Variants in CCDC91 observed in about 807,000 individuals in gnomAD.
CCDC91 encodes the protein coiled-coil domain containing 91.
In CCDC91, 48 loss-of-function variants were observed where a neutral mutation model predicts 63.2. That is an observed-to-expected ratio of 0.76 (90% CI 0.60 to 0.97). The LOEUF (loss-of-function observed/expected upper bound fraction) is 0.97. Among genes scored for constraint, CCDC91 ranks in the 50% least tolerant of loss-of-function variants. CCDC91 has a pLI of 0.00. For missense variants in CCDC91, 500 were observed against 494.6 expected, an observed-to-expected ratio of 1.01 and a Z score of -0.10; for synonymous variants, 167 against 165.8, an observed-to-expected ratio of 1.01 and a Z score of -0.06.
intron 6 of CCDC91, among the ~76,000 whole-genome samples, chr12:28,328,979 A>G (rs1941261547): frequency 6.6e-6 from 1 of 152,160 alleles, no homozygotes. Context: ...ATGAGAACCA[A>G]TGGTGTTTGG....
intron 6 of CCDC91, among the ~76,000 whole-genome samples, chr12:28,338,556 G>T (rs1369405677): frequency 6.6e-6 from 1 of 152,064 alleles, no homozygotes; most frequent in Admixed American, 6.6e-5. Context: ...AGAGATACCA[G>T]GGGGCCACCC....
At chr12:28,201,015 C>T (rs1591956493) in intron 1 of CCDC91, among the ~76,000 whole-genome samples, 1 of 143,138 alleles carries the variant, frequency 7.0e-6, no homozygotes, top group Non-Finnish European at 1.5e-5. Context: ...ACCCCCCCAC[C>T]TCCCTCCCGG....
intron 1 of CCDC91, among the ~76,000 whole-genome samples, chr12:28,237,267 T>TC (rs1410784569): frequency 9.7e-6 from 1 of 103,610 alleles, no homozygotes. Flanking sequence ...CACACACACA[T>TC]TTTTTAAAAA....
intron 3 of CCDC91, among the ~76,000 whole-genome samples, chr12:28,296,202 TTATATTA>T (rs1158616571): frequency 6.6e-6 from 1 of 151,736 alleles, no homozygotes; most frequent in Non-Finnish European, 1.5e-5. Context: ...ATATTTATGT[TTATATTA>T]TATAATTTTA....
intron 7 of CCDC91, among the ~76,000 whole-genome samples, chr12:28,378,712 T>C (rs1399587597): frequency 6.6e-6 from 1 of 152,084 alleles, no homozygotes; most frequent in Non-Finnish European, 1.5e-5. Context: ...GCTTTTATCA[T>C]ATGATCAGAT....
At chr12:28,283,267 A>AGGAATTG (rs1325956028) in intron 3 of CCDC91, among the ~76,000 whole-genome samples, 1 of 148,130 alleles carries the variant, frequency 6.8e-6, no homozygotes, top group Non-Finnish European at 1.5e-5. Flanking sequence ...GTATTTTGAT[A>AGGAATTG]GGAATTGCAT....
At chr12:28,469,684 A>G (rs1798661720) in intron 11 of CCDC91, among the ~76,000 whole-genome samples, 1 of 152,162 alleles carries the variant, frequency 6.6e-6, no homozygotes, top group Admixed American at 6.5e-5. Context: ...CTGATTTCAA[A>G]TTGTATTCCA....
intron 12 of CCDC91, among the ~76,000 whole-genome samples, chr12:28,531,334 C>T (rs897097725): frequency 6.6e-5 from 10 of 152,004 alleles, no homozygotes; most frequent in Non-Finnish European, 1.2e-4. Context: ...AATTAAGACT[C>T]GACAAATTAT....
intron 12 of CCDC91, among the ~76,000 whole-genome samples, chr12:28,509,605 AT>A (rs993068506): frequency 1.3e-5 from 2 of 152,072 alleles, no homozygotes; most frequent in African/African-American, 4.8e-5. Context: ...TTTAAAAATA[AT>A]TCTCTGTAAT....
intron 1 of CCDC91, among the ~76,000 whole-genome samples, chr12:28,204,814 C>T (rs902456533): frequency 2.6e-4 from 39 of 152,002 alleles, no homozygotes; most frequent in African/African-American, 8.9e-4. Flanking sequence ...TCTTCTGTAG[C>T]GTCTAGTTAG....
intron 6 of CCDC91, among the ~76,000 whole-genome samples, chr12:28,310,546 A>C (rs1939214886): frequency 6.6e-6 from 1 of 152,160 alleles, no homozygotes; most frequent in South Asian, 2.1e-4. Flanking sequence ...GCATGGGAAT[A>C]AAAGAGTAAC....
chr12:28,520,334 T>C (rs923793478), intron 12 of CCDC91, among the ~76,000 whole-genome samples: 4 of 152,206 alleles, frequency 2.6e-5, no homozygotes, highest in African/African-American at 7.2e-5. Flanking sequence ...ATGATGAGAA[T>C]TTTTTCATGT....
intron 3 of CCDC91, among the ~76,000 whole-genome samples, chr12:28,279,564 G>A (rs1458362567): frequency 6.6e-6 from 1 of 152,046 alleles, no homozygotes; most frequent in African/African-American, 2.4e-5. Flanking sequence ...AATCACTTTG[G>A]TGGGAGAGTA....
At chr12:28,471,028 G>A (rs1296933792) in intron 11 of CCDC91, among the ~76,000 whole-genome samples, 2 of 151,946 alleles carry the variant, frequency 1.3e-5, no homozygotes, top group Non-Finnish European at 2.9e-5. Flanking sequence ...ACATAATTTT[G>A]AAGAAAAAAA....
intron 8 of CCDC91, among the ~76,000 whole-genome samples, chr12:28,402,520 ATTTTTTTTTTTTT>A (rs57398967): frequency 1.9e-5 from 1 of 51,926 alleles, no homozygotes. Context: ...AGTTCCAGGA[ATTTTTTTTTTTTT>A]TTTTTTTTTT....
intron 1 of CCDC91, among the ~76,000 whole-genome samples, chr12:28,237,940 T>C (rs188159365): frequency 2.2e-4 from 34 of 152,338 alleles, no homozygotes; most frequent in African/African-American, 7.5e-4. Context: ...GTCACAGCTT[T>C]AATATCAGCT....
At chr12:28,395,521 T>G (rs1413815431) in intron 8 of CCDC91, among the ~76,000 whole-genome samples, 2 of 152,108 alleles carry the variant, frequency 1.3e-5, no homozygotes, top group African/African-American at 4.8e-5. Flanking sequence ...CTCACAGAAC[T>G]CGGGGAAACA....
intron 3 of CCDC91, among the ~76,000 whole-genome samples, chr12:28,276,817 T>C (rs1217972307): frequency 1.3e-5 from 2 of 152,042 alleles, no homozygotes; most frequent in Non-Finnish European, 2.9e-5. Context: ...AAATCGAATG[T>C]TACAGAATCT....
chr12:28,331,582 A>G (rs1253596166), intron 6 of CCDC91, among the ~76,000 whole-genome samples: 2 of 152,222 alleles, frequency 1.3e-5, no homozygotes, highest in Non-Finnish European at 2.9e-5. Flanking sequence ...AAATTAGACT[A>G]TGTTTCAAAA....
Sources: gnomAD v4.1 joint callset for allele counts (sites outside exome capture counted in the v4.1 genomes callset) on GRCh38, gnomAD v4.1.1 for gene constraint, MANE v1.5 for transcripts, NCBI Gene and HGNC (gene_info 2026-07-23, HGNC 2026-07-21) for gene names.